NSMCE2: variants seen among roughly 807,000 people sequenced by gnomAD.
NSMCE2 encodes the protein NSE2 SUMO ligase component of SMC5/6 complex.
A neutral mutation model predicts 23.8 loss-of-function variants in NSMCE2; 24 were observed. The observed-to-expected ratio is 1.01, with a 90% CI of 0.73 to 1.42. The LOEUF (loss-of-function observed/expected upper bound fraction) is 1.42. Among genes scored for constraint, NSMCE2 ranks in the 40% most tolerant of loss-of-function variants. NSMCE2 has a pLI of 0.00. For missense variants in NSMCE2, 284 were observed against 296.5 expected (o/e 0.96, Z 0.31); for synonymous variants, 92 against 94.1 (o/e 0.98, Z 0.13).
chr8:125,219,572 G>A (rs764572377), intron 5 of NSMCE2, among the ~76,000 whole-genome samples: 11 of 152,056 alleles, frequency 7.2e-5, no homozygotes, highest in East Asian at 1.9e-4. Context: ...TTGTGAATTC[G>A]CTTGTGCAAC....
In NSMCE2 at chr8:125,102,484, C is replaced by CA. The variant is rs761545844; in HGVS notation, c.155dup (p.Thr53AspfsTer2). The CA allele has an allele frequency of 2.5e-6, 4 of 1,613,028 alleles. No individual in the cohort carries two copies. Among genetic ancestry groups the CA allele is most frequent in the Non-Finnish European group, 2.5e-6 (3 of 1,179,168 alleles). The stretch of plus-strand genomic sequence containing the variant: ...TGTTGCTTTGGATCTTGTGGAAAGT[C>CA]AGAGTAAGTAAAATTAAAACCTCTT... On this transcript the variant is annotated frameshift_variant, in exon 3 of 8. Coordinates refer to ENST00000287437, the MANE Select transcript of NSMCE2 (RefSeq NM_173685.4). LOFTEE classifies it high-confidence loss of function.
At chr8:125,103,372 A>G (rs1221446743) in intron 3 of NSMCE2, among the ~76,000 whole-genome samples, 2 of 151,920 alleles carry the variant, frequency 1.3e-5, no homozygotes, top group African/African-American at 4.8e-5. Flanking sequence ...TTTATTTTAC[A>G]CATGGAGCCA....
At position 125,357,819 on chromosome 8, in the gene NSMCE2, G is replaced by A; in HGVS notation, c.626+1G>A. 6.2e-7 allele frequency: 1 copy of A among 1,604,852 alleles called. No individual in the cohort carries two copies. Among genetic ancestry groups the A allele is most frequent in the Non-Finnish European group, 8.5e-7 (1 of 1,171,450 alleles). ...GGCAAAAGCGGAAGAAAAAGGCCTA[G>A]TGAGTGGACGCAGGGAAGGAAGTGG... On this transcript the variant is annotated splice_donor_variant, in intron 7 of 7. Transcript: ENST00000287437. LOFTEE classifies it high-confidence loss of function.
chr8:125,179,796 TCAGTCTTCA>T (rs1392185293), intron 4 of NSMCE2, among the ~76,000 whole-genome samples: 2 of 152,180 alleles, frequency 1.3e-5, no homozygotes, highest in Non-Finnish European at 2.9e-5. Flanking sequence ...CTGCCCCCAC[TCAGTCTTCA>T]CCTCCTCAGC....
intron 3 of NSMCE2, among the ~76,000 whole-genome samples, chr8:125,145,492 A>G (rs182277404): frequency 6.6e-6 from 1 of 152,252 alleles, no homozygotes; most frequent in East Asian, 1.9e-4. Context: ...CCACTGTGAT[A>G]CTTCTCCATG....
intron 5 of NSMCE2, among the ~76,000 whole-genome samples, chr8:125,217,710 G>A (rs1219669659): frequency 3.9e-5 from 6 of 152,066 alleles, no homozygotes; most frequent in African/African-American, 1.4e-4. Context: ...GATTAGGCTG[G>A]TTTGTGTGAC....
At chr8:125,324,572 C>CTTTTT (rs1189623667) in intron 5 of NSMCE2, among the ~76,000 whole-genome samples, 46 of 59,322 alleles carry the variant, frequency 7.8e-4, no homozygotes, top group African/African-American at 2.2e-3. Context: ...TGATAAAATT[C>CTTTTT]TTTTTTTTTT....
chr8:125,267,762 C>A (rs1042838432), intron 5 of NSMCE2, among the ~76,000 whole-genome samples: 5 of 151,966 alleles, frequency 3.3e-5, no homozygotes, highest in Non-Finnish European at 7.4e-5. Flanking sequence ...GGGTGAAGAG[C>A]GAGACTCTGT....
intron 5 of NSMCE2, among the ~76,000 whole-genome samples, chr8:125,263,339 TCA>T (rs1197832528): frequency 2.6e-5 from 4 of 152,208 alleles, no homozygotes; most frequent in Non-Finnish European, 5.9e-5. Context: ...GTTGGAATAC[TCA>T]GTTATACCTG....
chr8:125,183,665 AG>A (rs1277195254), intron 5 of NSMCE2, among the ~76,000 whole-genome samples: 1 of 140,652 alleles, frequency 7.1e-6, no homozygotes, highest in Non-Finnish European at 1.5e-5. Flanking sequence ...GTGTGTGTAT[AG>A]TATCTGGCAC....
intron 5 of NSMCE2, among the ~76,000 whole-genome samples, chr8:125,216,210 C>T (rs1184042078): frequency 7.8e-6 from 1 of 127,744 alleles, no homozygotes; most frequent in South Asian, 2.2e-4. Flanking sequence ...TGTTGATCCA[C>T]TTATCTGTCA....
intron 3 of NSMCE2, among the ~76,000 whole-genome samples, chr8:125,119,785 C>T (rs1819182662): frequency 6.6e-6 from 1 of 152,122 alleles, no homozygotes; most frequent in Non-Finnish European, 1.5e-5. Context: ...GCTAAACCAA[C>T]TTGATTATTC....
rs563177375 is a variant in NSMCE2, at chr8:125,357,311, A to G, written c.511A>G (p.Ile171Val). 21 of 1,597,162 alleles carry G rather than the reference A, an allele frequency of 1.3e-5. No homozygotes were observed. The East Asian group carries it at 1.3e-4, about 10-fold the overall frequency. The change falls in exon 6 of 8, where the codon ATT (isoleucine) becomes GTT (valine). Residue 171 changes from isoleucine to valine, a missense_variant. Ile to Val is a conservative substitution (Grantham distance 29). Transcript: ENST00000287437. ...AAGTCAGACCAACTTCACCTGCCCC[A>G]TTACAAAGGTACCGCTTCCTCCTAC... Reference protein sequence around the residue: ...TQSQTNFTCPITKEEMKKPVK... With the variant: ...TQSQTNFTCPVTKEEMKKPVK...
intron 7 of NSMCE2, among the ~76,000 whole-genome samples, chr8:125,361,563 T>C (rs926487974): frequency 6.6e-6 from 1 of 152,182 alleles, no homozygotes; most frequent in Non-Finnish European, 1.5e-5. Flanking sequence ...TCCTCATCTG[T>C]AAAGTGGAAA....
At chr8:125,221,996 T>G (rs1041496532) in intron 5 of NSMCE2, among the ~76,000 whole-genome samples, 2 of 152,184 alleles carry the variant, frequency 1.3e-5, no homozygotes, top group Non-Finnish European at 2.9e-5. Flanking sequence ...ATTATAAATA[T>G]TCACCTTATT....
Position 125,119,033 on chromosome 8 carries a change from G to A in NSMCE2, c.157+16546G>A, listed in dbSNP as rs116620102. 5.5e-3 allele frequency among the ~76,000 whole-genome samples: 839 copies of A among 152,190 alleles called. 12 individuals are homozygous for A. Among genetic ancestry groups the A allele is most frequent in the African/African-American group, 0.019 (807 of 41,524 alleles). The stretch of plus-strand genomic sequence containing the variant: ...CCTCCAGTGGCCCAGTTGTATTTGG[G>A]GCAGTTTTAGAATGTCAAAAAGGGT... On this transcript the variant is annotated intron_variant, in intron 3 of 7. Transcript: ENST00000287437.
intron 4 of NSMCE2, among the ~76,000 whole-genome samples, chr8:125,162,166 G>A (rs951306448): frequency 2.0e-5 from 3 of 152,156 alleles, no homozygotes; most frequent in Admixed American, 6.5e-5. Context: ...GACACATGAA[G>A]TATAGTTAGG....
intron 5 of NSMCE2, among the ~76,000 whole-genome samples, chr8:125,350,908 G>C (rs952104936): frequency 2.6e-5 from 4 of 152,156 alleles, no homozygotes; most frequent in Admixed American, 2.6e-4. Flanking sequence ...GTGGCCCTTC[G>C]TGAGGGACAC....
chr8:125,142,792 C>CAG (rs35014556), intron 3 of NSMCE2, among the ~76,000 whole-genome samples: 31,382 of 151,718 alleles, frequency 0.21, 4,116 homozygotes, highest in African/African-American at 0.36. Flanking sequence ...TTAGTAGAGA[C>CAG]GGTTTCTCCA....
Sources: gnomAD v4.1 joint callset for allele counts (sites outside exome capture counted in the v4.1 genomes callset) on GRCh38, gnomAD v4.1.1 for gene constraint, MANE v1.5 for transcripts, NCBI Gene and HGNC (gene_info 2026-07-23, HGNC 2026-07-21) for gene names.